The following FAHD2B variants were observed in gnomAD, a reference collection of about 807,000 sequenced individuals.
The protein encoded by FAHD2B is fumarylacetoacetate hydrolase domain containing 2B.
Under a neutral mutation model 33.7 loss-of-function variants are expected in FAHD2B, and 26 were observed. The ratio of observed to expected loss-of-function variants is 0.77; its 90% CI spans 0.57 to 1.07. The LOEUF (loss-of-function observed/expected upper bound fraction) is 1.07. FAHD2B is among the 50% of genes least tolerant of loss of function. The probability of loss-of-function intolerance (pLI) is 0.00; values close to 1 mark genes in which losing one functional copy is unlikely to be tolerated. For missense variants in FAHD2B, 272 were observed against 388.1 expected (o/e 0.70, Z 2.51); for synonymous variants, 108 against 150.9 (o/e 0.72, Z 2.08).
At chr2:97,083,278 G>A (rs1283820843), downstream of FAHD2B, 7 of 1,602,244 alleles carry the variant, frequency 4.4e-6, no homozygotes, top group Non-Finnish European at 5.9e-6. Context: ...GGAGGAGCCT[G>A]TGCTGAGACT....
At chr2:97,085,014 C>G (rs2031878263) in intron 6 of FAHD2B, among the ~76,000 whole-genome samples, 2 of 152,022 alleles carry the variant, frequency 1.3e-5, no homozygotes, top group South Asian at 4.2e-4. Context: ...GGATGGATTA[C>G]TGTAAGAACA....
At chr2:97,083,262 C>T, downstream of FAHD2B, 3 of 1,607,152 alleles carry the variant, frequency 1.9e-6, no homozygotes, top group Non-Finnish European at 2.5e-6. Context: ...GTAGCTAGAA[C>T]TGTGAGGAGG....
At chr2:97,082,049 C>T (rs574185207), downstream of FAHD2B, 99 of 1,587,034 alleles carry the variant, frequency 6.2e-5, 10 homozygotes, top group Middle Eastern at 9.9e-4. Context: ...CTGTGGAAAC[C>T]GAGTGGGGAT....
At position 97,084,205 on chromosome 2, in the gene FAHD2B, AC is replaced by A; in HGVS notation, c.757del (p.Val253TyrfsTer7). The stretch of plus-strand genomic sequence containing the variant: ...GGCTATCAGGTCCTCTGTCTTGAAT[AC>A]CATCTGGTTGGTGTTGCTGCTCTGG... ...VVQSSNTNQM[V>X]FKTEDLIAWV... On this transcript the variant is annotated frameshift_variant, in exon 7 of 9. Coordinates refer to ENST00000414820, the MANE Select transcript of FAHD2B (RefSeq NM_001320848.2). LOFTEE classifies it high-confidence loss of function. The A allele has an allele frequency of 6.2e-7, 1 of 1,613,784 alleles. No homozygotes were observed. The highest frequency in any genetic ancestry group is 8.5e-7 in the Non-Finnish European group (1 of 1,179,848).
intron 4 of FAHD2B, among the ~76,000 whole-genome samples, chr2:97,088,228 C>T (rs965391995): frequency 6.6e-6 from 1 of 152,064 alleles, no homozygotes; most frequent in African/African-American, 2.4e-5. Flanking sequence ...GCAAAACAGA[C>T]CATATGACAC....
At chr2:97,084,664 T>C (rs2031847504) in intron 6 of FAHD2B, among the ~76,000 whole-genome samples, 1 of 151,940 alleles carries the variant, frequency 6.6e-6, no homozygotes, top group Non-Finnish European at 1.5e-5. Flanking sequence ...TCATAGCACT[T>C]TGGGAGGGCA....
downstream of FAHD2B, chr2:97,081,066 C>T (rs1297638636): frequency 6.7e-6 from 10 of 1,498,534 alleles, no homozygotes; most frequent in Middle Eastern, 1.8e-4. Context: ...GTGAAGGGAA[C>T]GGCTCCTTCC....
chr2:97,093,207 C>T (rs1240003641), intron 1 of FAHD2B, among the ~76,000 whole-genome samples: 1 of 151,952 alleles, frequency 6.6e-6, no homozygotes, highest in Non-Finnish European at 1.5e-5. Context: ...GACTCTTGGT[C>T]CTCACTTGGA....
chr2:97,081,240 G>A, downstream of FAHD2B: 3 of 1,486,074 alleles, frequency 2.0e-6, no homozygotes, highest in Non-Finnish European at 2.7e-6. Flanking sequence ...AAGACCTGCT[G>A]CTGCTAAAGG....
At chr2:97,086,116 G>T (rs780605607) in intron 5 of FAHD2B, 23 bp downstream of exon 5, 10 of 1,612,162 alleles carry the variant, frequency 6.2e-6, no homozygotes, top group Non-Finnish European at 7.6e-6. Context: ...CTCTGGCCTG[G>T]GAGCCCACCC....
chr2:97,081,667 C>T (rs1487332437), downstream of FAHD2B, among the ~76,000 whole-genome samples: 6 of 148,738 alleles, frequency 4.0e-5, 1 homozygote, highest in African/African-American at 1.6e-4. Context: ...AAGCCTAGCT[C>T]GCACCTCTGC....
chr2:97,089,353 T>C (rs957917068), intron 4 of FAHD2B, among the ~76,000 whole-genome samples: 5 of 150,730 alleles, frequency 3.3e-5, no homozygotes, highest in Non-Finnish European at 7.4e-5. Flanking sequence ...ACCCCATCTC[T>C]ACTAAAAATA....
chr2:97,087,535 T>C (rs1050285736), intron 4 of FAHD2B, among the ~76,000 whole-genome samples: 11 of 151,936 alleles, frequency 7.2e-5, no homozygotes, highest in Non-Finnish European at 1.3e-4. Flanking sequence ...CTGTCTCTAC[T>C]AGAAATACAA....
chr2:97,086,084 A>G, intron 5 of FAHD2B, 55 bp downstream of exon 5: 1 of 1,597,788 alleles, frequency 6.3e-7, no homozygotes, highest in Admixed American at 1.7e-5. Flanking sequence ...TAGGAGAGGC[A>G]GGAGCTGGGG....
intron 3 of FAHD2B, among the ~76,000 whole-genome samples, chr2:97,090,888 A>G: frequency 6.9e-6 from 1 of 144,952 alleles, no homozygotes; most frequent in South Asian, 2.3e-4. Context: ...TAATACTGTG[A>G]GCTGTGAAAC....
rs778201348 is a variant in FAHD2B at position 97,083,979 on chromosome 2, C to A, written c.851G>T (p.Gly284Val). 6.2e-7 allele frequency: 1 copy of A among 1,613,704 alleles called. No individual in the cohort carries two copies. Among genetic ancestry groups the A allele is most frequent in the African/African-American group, 1.3e-5 (1 of 74,920 alleles). ...AAAGACAGGAGGTTTCCTGAATACA[C>A]CGACACCTGGGGGGGTCCCAGTTAG... ...VILTGTPPGVGVFRKPPVFLK... is the reference protein window; with the variant it reads ...VILTGTPPGVVVFRKPPVFLK... The change falls in exon 8 of 9, where the codon GGT becomes GTT. Residue 284 changes from glycine (G) to valine (V), a missense_variant. By Grantham distance (109) the Gly-to-Val change is moderately radical (BLOSUM62 -3). Transcript: ENST00000414820.
At chr2:97,093,412 T>A (rs1367311554) in intron 1 of FAHD2B, among the ~76,000 whole-genome samples, 1 of 151,380 alleles carries the variant, frequency 6.6e-6, no homozygotes, top group Non-Finnish European at 1.5e-5. Flanking sequence ...AACATAACAG[T>A]AACTGCTGCC....
chr2:97,082,247 C>G, downstream of FAHD2B: 9 of 1,558,300 alleles, frequency 5.8e-6, no homozygotes, highest in Non-Finnish European at 7.8e-6. Context: ...CTGCCGCCTG[C>G]TCAGCCCGCT....
At chr2:97,078,839 G>T (rs2698465), downstream of FAHD2B, among the ~76,000 whole-genome samples, 469 of 151,770 alleles carry the variant, frequency 3.1e-3, 4 homozygotes, top group African/African-American at 0.011. Flanking sequence ...ATAGGAGTTT[G>T]TTGTACATAT....
Sources: allele counts gnomAD v4.1 joint callset (sites outside exome capture counted in the v4.1 genomes callset), GRCh38; gene constraint gnomAD v4.1.1; transcripts MANE v1.5; gene names NCBI Gene and HGNC (gene_info 2026-07-23, HGNC 2026-07-21).